The following PDE1C variants were observed in gnomAD, a reference collection of about 807,000 sequenced individuals.
The protein encoded by PDE1C is dual specificity calcium/calmodulin-dependent 3',5'-cyclic nucleotide phosphodiesterase 1C.
In PDE1C, 62 loss-of-function variants were observed where a neutral mutation model predicts 93.1. The observed-to-expected ratio is 0.67, with a 90% CI of 0.54 to 0.82. The LOEUF (loss-of-function observed/expected upper bound fraction) is 0.82, where lower values mean the gene tolerates loss of function less well. Among genes scored for constraint, PDE1C ranks in the 40% least tolerant of loss-of-function variants. PDE1C has a pLI of 0.00. For synonymous variants in PDE1C, 325 were observed against 310.1 expected (o/e 1.05, Z -0.50); for missense variants, 742 against 884.6 (o/e 0.84, Z 2.04).
intron 2 of PDE1C, among the ~76,000 whole-genome samples, chr7:32,191,432 A>G (rs528718009): frequency 6.6e-6 from 1 of 151,160 alleles, no homozygotes; most frequent in East Asian, 2.0e-4. Flanking sequence ...TCTGTTCTCT[A>G]TCTTTATAGT....
chr7:32,295,240 C>CTCTGCTGCAAACTCCCAGATCT lies in PDE1C; in HGVS notation c.85+3410_85+3411insAGATCTGGGAGTTTGCAGCAGA, dbSNP rs1812554796. ...AGCAGAGTTAACAAACTCCCAGATCCCTCTGCTGCAGAATGATGGGCTAGT... is the reference window on the plus strand; with the variant it reads ...AGCAGAGTTAACAAACTCCCAGATCCTCTGCTGCAAACTCCCAGATCTCTCTGCTGCAGAATGATGGGCTAGT... On this transcript the variant is annotated intron_variant, in intron 1 of 18. Coordinates refer to the PDE1C transcript ENST00000396193. Among the ~76,000 whole-genome samples the CTCTGCTGCAAACTCCCAGATCT allele has an allele frequency of 3.3e-5, 5 of 152,218 alleles. No individual in the cohort carries two copies. In the South Asian group the frequency reaches 1.0e-3, roughly 32 times the overall value.
At chr7:32,345,995 C>T (rs1205665849) in intron 1 of PDE1C, among the ~76,000 whole-genome samples, 12 of 152,118 alleles carry the variant, frequency 7.9e-5, no homozygotes, top group Non-Finnish European at 2.9e-5. Flanking sequence ...CCCAAGTATC[C>T]CAAGAGAAAT....
intron 1 of PDE1C, among the ~76,000 whole-genome samples, chr7:32,350,590 A>ATTTTT (rs1202256808): frequency 4.8e-3 from 15 of 3,134 alleles, no homozygotes; most frequent in African/African-American, 5.5e-3. Flanking sequence ...ATATATATAT[A>ATTTTT]TTTTTTTTTT....
intron 1 of PDE1C, among the ~76,000 whole-genome samples, chr7:32,055,496 G>T (rs183276697): frequency 1.8e-4 from 28 of 152,148 alleles, no homozygotes; most frequent in Middle Eastern, 3.4e-3. Flanking sequence ...AGCCTTCAAA[G>T]AAAATTAAGG....
At chr7:31,681,112 C>G in the PDE1C span, among the ~76,000 whole-genome samples, 1 of 152,152 alleles carries the variant, frequency 6.6e-6, no homozygotes, top group Non-Finnish European at 1.5e-5. Flanking sequence ...TTTGATAGTT[C>G]TTGAAACCAT....
the PDE1C span, among the ~76,000 whole-genome samples, chr7:31,621,586 TAAAAGAGCTCCTG>T: frequency 6.8e-6 from 1 of 147,652 alleles, no homozygotes; most frequent in Non-Finnish European, 1.5e-5. Flanking sequence ...AGGCCTGCCC[TAAAAGAGCTCCTG>T]AAGGAAGCAC....
At chr7:31,781,556 A>G (rs544314846) in intron 16 of PDE1C, among the ~76,000 whole-genome samples, 1 of 152,308 alleles carries the variant, frequency 6.6e-6, no homozygotes, top group African/African-American at 2.4e-5. Context: ...CAGGGCAACA[A>G]GCCATTGCCT....
At chr7:32,059,139 T>C (rs1027974273) in intron 1 of PDE1C, among the ~76,000 whole-genome samples, 2 of 152,194 alleles carry the variant, frequency 1.3e-5, no homozygotes, top group South Asian at 2.1e-4. Context: ...TATTCAGAGA[T>C]AGCCAGCTCC....
intron 1 of PDE1C, among the ~76,000 whole-genome samples, chr7:32,385,626 G>A (rs1432020806): frequency 6.6e-6 from 1 of 152,160 alleles, no homozygotes; most frequent in Non-Finnish European, 1.5e-5. Flanking sequence ...CCTTTACAGT[G>A]CATTTGAGGA....
chr7:31,792,693 T>C (rs538734290), intron 16 of PDE1C, among the ~76,000 whole-genome samples: 3 of 152,210 alleles, frequency 2.0e-5, no homozygotes, highest in African/African-American at 7.2e-5. Context: ...TCTTTCATTG[T>C]GTTCTGGTTT....
At chr7:31,859,153 ATATTGAC>A in intron 7 of PDE1C, among the ~76,000 whole-genome samples, 1 of 149,436 alleles carries the variant, frequency 6.7e-6, no homozygotes, top group African/African-American at 2.4e-5. Flanking sequence ...GACTATATGT[ATATTGAC>A]TATTGACTAT....
intron 2 of PDE1C, among the ~76,000 whole-genome samples, chr7:31,943,673 C>A (rs1163923199): frequency 6.6e-6 from 1 of 152,008 alleles, no homozygotes; most frequent in African/African-American, 2.4e-5. Context: ...TTCATTCTCC[C>A]CAAATTTCTG....
In PDE1C at chr7:32,414,473, A is replaced by G. The variant is rs113911794; in HGVS notation, c.310+13349T>C. Among the ~76,000 whole-genome samples, 763 of 152,340 alleles carry G rather than the reference A, an allele frequency of 5.0e-3. 10 individuals carry two copies. The highest frequency in any genetic ancestry group is 0.017 in the African/African-American group (721 of 41,572). On this transcript the variant is annotated intron_variant, in intron 1 of 1. Transcript: ENST00000672256. ...GAATGGTATTCACCAAAATGTTCAC[A>G]GTAGCTATCTTTAGCTGGTGAGTTT...
At chr7:31,966,465 C>T (rs1002920495) in intron 2 of PDE1C, among the ~76,000 whole-genome samples, 1 of 152,116 alleles carries the variant, frequency 6.6e-6, no homozygotes, top group Non-Finnish European at 1.5e-5. Flanking sequence ...AAAGCAAGTC[C>T]TTAGTGACCT....
intron 2 of PDE1C, among the ~76,000 whole-genome samples, chr7:31,994,981 G>A (rs1302373486): frequency 1.3e-5 from 2 of 151,704 alleles, no homozygotes; most frequent in East Asian, 1.9e-4. Context: ...CTTAACCATG[G>A]AACAAAAAAA....
At chr7:32,254,506 C>G (rs73687123) in intron 1 of PDE1C, among the ~76,000 whole-genome samples, 1 of 152,118 alleles carries the variant, frequency 6.6e-6, no homozygotes, top group Non-Finnish European at 1.5e-5. Context: ...CCAGAAAGCC[C>G]GATATCTTCC....
intron 17 of PDE1C, among the ~76,000 whole-genome samples, chr7:31,762,560 G>A (rs941497947): frequency 2.6e-5 from 4 of 152,000 alleles, no homozygotes; most frequent in East Asian, 1.9e-4. Context: ...GAGTGGTCTC[G>A]AACTCCTGAC....
intron 1 of PDE1C, among the ~76,000 whole-genome samples, chr7:32,418,945 G>A (rs1186744982): frequency 6.6e-6 from 1 of 152,140 alleles, no homozygotes; most frequent in East Asian, 1.9e-4. Flanking sequence ...TGTGTGTACT[G>A]ATCTAATGGC....
At chr7:31,714,149 A>C in the PDE1C span, among the ~76,000 whole-genome samples, 1 of 152,202 alleles carries the variant, frequency 6.6e-6, no homozygotes, top group Non-Finnish European at 1.5e-5. Context: ...ACAGCACCCA[A>C]GTCACCCCTT....
Sources: allele counts gnomAD v4.1 joint callset (sites outside exome capture counted in the v4.1 genomes callset), GRCh38; gene constraint gnomAD v4.1.1; transcripts MANE v1.5; gene names NCBI Gene and HGNC (gene_info 2026-07-23, HGNC 2026-07-21).